Variants in MYO3B observed in about 807,000 individuals in gnomAD.
The protein encoded by MYO3B is myosin-IIIb.
In MYO3B, 156 loss-of-function variants were observed where a neutral mutation model predicts 174.6. The ratio of observed to expected loss-of-function variants is 0.89; its 90% CI spans 0.78 to 1.02. MYO3B has a LOEUF of 1.02. MYO3B is among the 50% of genes least tolerant of loss of function. The pLI is 0.00. For synonymous variants in MYO3B, 563 were observed against 569.1 expected, an observed-to-expected ratio of 0.99 and a Z score of 0.15; for missense variants, 1,632 against 1,639.4, an observed-to-expected ratio of 1.00 and a Z score of 0.08.
intron 32 of MYO3B, among the ~76,000 whole-genome samples, chr2:170,558,933 G>A (rs28570590): frequency 0.15 from 22,650 of 152,134 alleles, 3,212 homozygotes; most frequent in African/African-American, 0.37. Context: ...ATAGATGTAA[G>A]GTGCTTAACA....
chr2:170,336,971 A>G (rs1236754123), intron 8 of MYO3B, among the ~76,000 whole-genome samples: 1 of 151,478 alleles, frequency 6.6e-6, no homozygotes, highest in Non-Finnish European at 1.5e-5. Flanking sequence ...GAACATGACC[A>G]TGAAGTTGAA....
intron 32 of MYO3B, among the ~76,000 whole-genome samples, chr2:170,630,305 T>C (rs1696840939): frequency 6.7e-6 from 1 of 149,006 alleles, no homozygotes; most frequent in African/African-American, 2.4e-5. Flanking sequence ...TGCTCATTGC[T>C]AGTCCGAGAT....
At chr2:170,396,694 G>A (rs1340654074) in intron 16 of MYO3B, among the ~76,000 whole-genome samples, 1 of 152,134 alleles carries the variant, frequency 6.6e-6, no homozygotes, top group Non-Finnish European at 1.5e-5. Context: ...TGCCAGAGAA[G>A]CAACGGGGCA....
chr2:170,567,943 C>T (rs886979305), intron 32 of MYO3B, among the ~76,000 whole-genome samples: 1 of 152,120 alleles, frequency 6.6e-6, no homozygotes, highest in Non-Finnish European at 1.5e-5. Flanking sequence ...AAAATGAATA[C>T]ATTTTATAAT....
intron 32 of MYO3B, among the ~76,000 whole-genome samples, chr2:170,619,547 G>A (rs185809730): frequency 3.3e-4 from 50 of 152,020 alleles, no homozygotes; most frequent in Non-Finnish European, 2.9e-4. Context: ...GTTTGGGGAC[G>A]AGGGTTGGGG....
intron 1 of MYO3B, among the ~76,000 whole-genome samples, chr2:170,179,564 C>T (rs1273349914): frequency 2.6e-5 from 4 of 152,156 alleles, no homozygotes; most frequent in Non-Finnish European, 5.9e-5. Flanking sequence ...TAGGTTCAGT[C>T]TCCTTTTTCT....
chr2:170,363,126 T>A (rs1021400472), intron 8 of MYO3B, among the ~76,000 whole-genome samples: 2 of 152,154 alleles, frequency 1.3e-5, no homozygotes, highest in Non-Finnish European at 2.9e-5. Flanking sequence ...AATGTTTAGA[T>A]CTTCTGTAGC....
intron 32 of MYO3B, among the ~76,000 whole-genome samples, chr2:170,618,067 A>T (rs556139006): frequency 6.6e-6 from 1 of 152,292 alleles, no homozygotes; most frequent in South Asian, 2.1e-4. Context: ...TGACAGCCCA[A>T]GTTTGAATAT....
intron 22 of MYO3B, among the ~76,000 whole-genome samples, chr2:170,440,623 C>T (rs1343009835): frequency 6.6e-6 from 1 of 151,446 alleles, no homozygotes; most frequent in Non-Finnish European, 1.5e-5. Context: ...ATTGGTGGCG[C>T]GTGCCTCTAA....
At chr2:170,195,851 C>T (rs2092594271) in intron 1 of MYO3B, among the ~76,000 whole-genome samples, 1 of 152,160 alleles carries the variant, frequency 6.6e-6, no homozygotes, top group Non-Finnish European at 1.5e-5. Context: ...TGAGAGGGGT[C>T]AGGGAACTCT....
intron 8 of MYO3B, among the ~76,000 whole-genome samples, chr2:170,337,429 C>G (rs2093952967): frequency 6.6e-6 from 1 of 152,192 alleles, no homozygotes; most frequent in East Asian, 1.9e-4. Context: ...CCAAACTCTC[C>G]TGATGCCTCT....
At chr2:170,306,990 C>T (rs1220711553) in intron 7 of MYO3B, among the ~76,000 whole-genome samples, 1 of 151,992 alleles carries the variant, frequency 6.6e-6, no homozygotes, top group Non-Finnish European at 1.5e-5. Context: ...TATTCTCATT[C>T]ACCCAAAAGT....
intron 30 of MYO3B, among the ~76,000 whole-genome samples, chr2:170,526,963 T>C (rs1163534709): frequency 6.6e-6 from 1 of 152,248 alleles, no homozygotes; most frequent in East Asian, 1.9e-4. Flanking sequence ...TTTAAAATAG[T>C]TGGAACTCTT....
intron 7 of MYO3B, among the ~76,000 whole-genome samples, chr2:170,297,305 C>A (rs2093635077): frequency 6.8e-6 from 1 of 148,000 alleles, no homozygotes; most frequent in Non-Finnish European, 1.5e-5. Context: ...CCAATGGCCA[C>A]CCCCTCCCCC....
chr2:170,347,750 G>A (rs1266417493), intron 8 of MYO3B, among the ~76,000 whole-genome samples: 5 of 152,102 alleles, frequency 3.3e-5, no homozygotes, highest in Admixed American at 2.0e-4. Flanking sequence ...GTGTGTTTGA[G>A]GTAAAATTCA....
intron 32 of MYO3B, among the ~76,000 whole-genome samples, chr2:170,611,522 A>G (rs1204669011): frequency 6.6e-6 from 1 of 152,164 alleles, no homozygotes; most frequent in Non-Finnish European, 1.5e-5. Flanking sequence ...GACAGTGGGG[A>G]CAGTGGGAAT....
At chr2:170,378,546 T>C (rs2094311166) in intron 9 of MYO3B, among the ~76,000 whole-genome samples, 1 of 152,208 alleles carries the variant, frequency 6.6e-6, no homozygotes, top group Non-Finnish European at 1.5e-5. Context: ...TTGGGGAAGA[T>C]TTTTTACAAG....
chr2:170,601,910 A>G, intron 32 of MYO3B: 1 of 841,844 alleles, frequency 1.2e-6, no homozygotes, highest in Non-Finnish European at 2.0e-6. Context: ...CAATACTCAG[A>G]GCAGAACAGC....
At chr2:170,384,550 A>G (rs966605196) in intron 12 of MYO3B, among the ~76,000 whole-genome samples, 1 of 152,232 alleles carries the variant, frequency 6.6e-6, no homozygotes, top group Non-Finnish European at 1.5e-5. Flanking sequence ...TGAGTAATAG[A>G]TGACATTATA....
Sources: gnomAD v4.1 joint callset for allele counts (sites outside exome capture counted in the v4.1 genomes callset) on GRCh38, gnomAD v4.1.1 for gene constraint, MANE v1.5 for transcripts, NCBI Gene and HGNC (gene_info 2026-07-23, HGNC 2026-07-21) for gene names.